Variants in ANKRD36C observed in about 807,000 individuals in gnomAD.
ANKRD36C encodes the protein ankyrin repeat domain 36C.
In ANKRD36C, 61 loss-of-function variants were observed where a neutral mutation model predicts 276.4. The ratio of observed to expected loss-of-function variants is 0.22; its 90% CI spans 0.18 to 0.27. The LOEUF (loss-of-function observed/expected upper bound fraction) is 0.27. Among genes scored for constraint, ANKRD36C ranks in the 10% least tolerant of loss-of-function variants. The pLI is 1.00. For synonymous variants in ANKRD36C, 483 were observed against 680.1 expected (o/e 0.71, Z 4.51); for missense variants, 1,447 against 2,032.3 (o/e 0.71, Z 5.54).
At chr2:95,924,867 C>G (rs1677362097) in intron 30 of ANKRD36C, among the ~76,000 whole-genome samples, 1 of 151,564 alleles carries the variant, frequency 6.6e-6, no homozygotes, top group Non-Finnish European at 1.5e-5. Flanking sequence ...CTTCTTCCTT[C>G]CCCTCTTTCT....
intron 44 of ANKRD36C, 27 bp from the exon 60 acceptor site, chr2:95,897,369 A>C: frequency 6.4e-7 from 1 of 1,554,950 alleles, no homozygotes; most frequent in East Asian, 2.4e-5. Flanking sequence ...ATGAAATAAT[A>C]AATTAATAAA....
chr2:95,990,306 A>G (rs1461841783), intron 1 of ANKRD36C, among the ~76,000 whole-genome samples: 1 of 152,242 alleles, frequency 6.6e-6, no homozygotes, highest in Middle Eastern at 3.2e-3. Flanking sequence ...ATCCAATTCT[A>G]TTAGATTGGT....
intron 60 of ANKRD36C, among the ~76,000 whole-genome samples, chr2:95,860,808 A>G (rs1675557639): frequency 6.6e-6 from 1 of 152,222 alleles, no homozygotes; most frequent in South Asian, 2.1e-4. Context: ...TAGAGATCAC[A>G]GGACAGAAAA....
intron 17 of ANKRD36C, among the ~76,000 whole-genome samples, chr2:95,945,682 T>C (rs373423193): frequency 6.6e-6 from 1 of 152,282 alleles, no homozygotes; most frequent in East Asian, 1.9e-4. Flanking sequence ...CAAATTATTG[T>C]ATAACCTCCG....
chr2:95,980,545 T>C (rs12613703), intron 5 of ANKRD36C, 103 bp downstream of exon 5: 71,989 of 1,408,512 alleles, frequency 0.051, 3,052 homozygotes, highest in East Asian at 0.17. Context: ...TGAAAACTAC[T>C]TGAATCAAAC....
intron 44 of ANKRD36C, among the ~76,000 whole-genome samples, chr2:95,896,845 G>T (rs1223810992): frequency 6.7e-6 from 1 of 149,718 alleles, no homozygotes; most frequent in East Asian, 2.0e-4. Context: ...TGCTACACCA[G>T]GGGTCTCCTT....
chr2:95,888,378 A>G (rs944082564), intron 48 of ANKRD36C, among the ~76,000 whole-genome samples: 1 of 151,720 alleles, frequency 6.6e-6, no homozygotes, highest in Non-Finnish European at 1.5e-5. Context: ...AACCATGTCA[A>G]TATCAATGTG....
At chr2:95,890,106 C>T (rs1456296740) in intron 46 of ANKRD36C, 112 bp from the exon 67 acceptor site, 3 of 1,360,460 alleles carry the variant, frequency 2.2e-6, no homozygotes, top group Non-Finnish European at 2.1e-6. Context: ...TTAGTGTAGG[C>T]TTTGATGGCT....
chr2:95,896,132 T>C (rs1333663072), intron 44 of ANKRD36C, among the ~76,000 whole-genome samples: 3 of 148,380 alleles, frequency 2.0e-5, no homozygotes, highest in Non-Finnish European at 3.0e-5. Context: ...TGGATATCTG[T>C]TTGCTGATAC....
chr2:95,923,020 T>A (rs1173270925), intron 32 of ANKRD36C, among the ~76,000 whole-genome samples: 1 of 151,618 alleles, frequency 6.6e-6, no homozygotes, highest in Non-Finnish European at 1.5e-5. Context: ...TTTCCCTCTT[T>A]CCTGCCTCAC....
chr2:95,871,778 C>G (rs928927168), intron 59 of ANKRD36C, among the ~76,000 whole-genome samples: 53 of 151,820 alleles, frequency 3.5e-4, no homozygotes, highest in Non-Finnish European at 4.7e-4. Flanking sequence ...ACCCATCTCA[C>G]GTGCAGAGAC....
At position 95,895,716 on chromosome 2, in the gene ANKRD36C, A is replaced by G. The variant is rs1573748509; in HGVS notation, c.2755+3429T>C. On this transcript the variant is annotated intron_variant, in intron 44 of 66. Coordinates refer to ENST00000456556, the Ensembl canonical transcript of ANKRD36C. ...ATTAGTGGAGGCTTTCATGGCTTCT[A>G]CTTTGTCTCAGGGGACCAGAAGGTG... The G allele has an allele frequency of 2.7e-5, 40 of 1,494,446 alleles. No individual in the cohort carries two copies. In the South Asian group the frequency reaches 4.1e-4, roughly 15 times the overall value. The allele number at this position is 1,494,446 out of a possible 1,614,324, so 92.6% of individuals were successfully genotyped here. A position where few individuals can be genotyped will look rare whatever the true frequency, so the allele number is the denominator to read the frequency against.
At chr2:95,959,059 A>C (rs1344938738) in intron 10 of ANKRD36C, among the ~76,000 whole-genome samples, 1 of 152,290 alleles carries the variant, frequency 6.6e-6, no homozygotes, top group African/African-American at 2.4e-5. Context: ...ATCAATGTGG[A>C]TATGCCGAGT....
At chr2:95,925,524 A>G (rs767692867) in exon 29 of ANKRD36C, 68 of 1,550,498 alleles carry the variant, frequency 4.4e-5, no homozygotes, top group Non-Finnish European at 5.7e-5. Flanking sequence ...ACTACCTTCC[A>G]GGCTGATTGT....
chr2:95,909,703 C>T (rs1676854099), intron 42 of ANKRD36C, among the ~76,000 whole-genome samples: 1 of 150,200 alleles, frequency 6.7e-6, no homozygotes, highest in African/African-American at 2.4e-5. Context: ...TCTCTGATGC[C>T]TAATAGTAAC....
At chr2:95,943,410 G>A (rs1421998616) in intron 19 of ANKRD36C, among the ~76,000 whole-genome samples, 5 of 151,228 alleles carry the variant, frequency 3.3e-5, no homozygotes, top group South Asian at 2.1e-4. Context: ...GCGTGAACCC[G>A]GGAGGTGGAG....
intron 42 of ANKRD36C, 28 bp downstream of exon 47, chr2:95,908,641 T>G: frequency 6.4e-7 from 1 of 1,564,958 alleles, no homozygotes; most frequent in Non-Finnish European, 8.7e-7. Flanking sequence ...CATTTACTAG[T>G]TCACAACATA....
intron 60 of ANKRD36C, among the ~76,000 whole-genome samples, chr2:95,860,949 T>TA (rs1242341925): frequency 4.0e-5 from 6 of 151,768 alleles, no homozygotes; most frequent in African/African-American, 7.3e-5. Flanking sequence ...AAATAAAATT[T>TA]AAAAAAAACA....
rs573718003 is a variant in ANKRD36C, at chr2:95,964,648, T to C, written c.800-2101A>G. ...CAGCCCCATGGCTTCCTCTCTCCCA[T>C]AGACACTCTTTCACAGCTGTTCTTC... On this transcript the variant is annotated intron_variant, in intron 6 of 66. Transcript: ENST00000456556. Among the ~76,000 whole-genome samples, 22 of 152,184 alleles carry C rather than the reference T, an allele frequency of 1.4e-4. No individual in the cohort carries two copies. In the East Asian group the frequency reaches 3.5e-3, roughly 24 times the overall value.
Sources: gnomAD v4.1 joint callset for allele counts (sites outside exome capture counted in the v4.1 genomes callset) on GRCh38, gnomAD v4.1.1 for gene constraint, MANE v1.5 for transcripts, NCBI Gene and HGNC (gene_info 2026-07-23, HGNC 2026-07-21) for gene names.